SYNJ2: variants seen among roughly 807,000 people sequenced by gnomAD.
SYNJ2 encodes the protein polyphosphatidylinositol phosphatase SYNJ2.
Under a neutral mutation model 141.3 loss-of-function variants are expected in SYNJ2, and 116 were observed. That is an observed-to-expected ratio of 0.82 (90% CI 0.71 to 0.96). The LOEUF is 0.96. Among genes scored for constraint, SYNJ2 ranks in the 40% least tolerant of loss-of-function variants. The pLI, the probability that SYNJ2 is intolerant of heterozygous loss-of-function variation, is 0.00. For synonymous variants in SYNJ2, 745 were observed against 777.7 expected (o/e 0.96, Z 0.70); for missense variants, 1,873 against 1,934.8 (o/e 0.97, Z 0.60).
chr6:158,049,901 C>A (rs566437030), intron 5 of SYNJ2, among the ~76,000 whole-genome samples: 40 of 152,126 alleles, frequency 2.6e-4, no homozygotes, highest in African/African-American at 9.2e-4. Flanking sequence ...TGCGGCTCTG[C>A]AGGTATGCAT....
At chr6:158,029,787 G>A (rs1333401984) in intron 3 of SYNJ2, among the ~76,000 whole-genome samples, 1 of 152,082 alleles carries the variant, frequency 6.6e-6, no homozygotes, top group Admixed American at 6.6e-5. Context: ...CTCTCTGCTG[G>A]TAATAACTCA....
chr6:158,063,941 C>A, intron 9 of SYNJ2, 69 bp downstream of exon 9: 1 of 1,535,236 alleles, frequency 6.5e-7, no homozygotes, highest in Non-Finnish European at 9.0e-7. Context: ...ACAGGCTGGG[C>A]TGAGCACCTT....
chr6:158,003,376 G>A (rs1777931608), intron 1 of SYNJ2, among the ~76,000 whole-genome samples: 1 of 152,206 alleles, frequency 6.6e-6, no homozygotes, highest in African/African-American at 2.4e-5. Flanking sequence ...GCCTTGCTCT[G>A]TCTTGGGAAA....
Position 158,010,988 on chromosome 6 carries a change from T to C in SYNJ2, c.128-6216T>C, listed in dbSNP as rs572266152. Among the ~76,000 whole-genome samples the C allele has an allele frequency of 9.3e-5, 13 of 140,224 alleles. No homozygotes were observed. The South Asian group carries it at 1.6e-3, about 18-fold the overall frequency. The allele number at this position is 140,224 out of a possible 152,430, so 92.0% of individuals were successfully genotyped here. ...TGGGGAGGGGATGGCCACGTGATGA[T>C]GGGAGGACATGTGGGGAGAGAATGG... On this transcript the variant is annotated intron_variant, in intron 1 of 26. Coordinates refer to ENST00000355585, the MANE Select transcript of SYNJ2 (RefSeq NM_003898.4).
At chr6:158,006,490 C>T (rs1778075211) in intron 1 of SYNJ2, among the ~76,000 whole-genome samples, 1 of 152,192 alleles carries the variant, frequency 6.6e-6, no homozygotes, top group East Asian at 1.9e-4. Context: ...CTCCTGGCCG[C>T]CAGGATGCCA....
rs771437341 is a variant in SYNJ2, at chr6:158,093,015, G to A, written c.3655G>A (p.Glu1219Lys). Reference sequence around the variant, plus strand: ...GCCCACACCGGGGGCAGCCAAACCAGAGACCCCACAGGCGCCCCCACTCCT... The same window carrying A: ...GCCCACACCGGGGGCAGCCAAACCAAAGACCCCACAGGCGCCCCCACTCCT... ...PEPTPGAAKP[E>K]TPQAPPLLPR... Residue 1219 changes from glutamate (E) to lysine (K), a missense_variant, in exon 26 of 27, where the codon GAG becomes AAG. Coordinates refer to ENST00000355585, the MANE Select transcript of SYNJ2 (RefSeq NM_003898.4). 3.7e-6 allele frequency: 6 copies of A among 1,613,126 alleles called. No homozygotes were observed. The East Asian group carries it at 6.7e-5, about 18-fold the overall frequency.
chr6:158,081,369 A>G (rs747705308), intron 19 of SYNJ2, 42 bp downstream of exon 19: 43 of 1,613,398 alleles, frequency 2.7e-5, no homozygotes, highest in Non-Finnish European at 3.5e-5. Context: ...GGGGATGTCG[A>G]TGAGGATCCG....
intron 4 of SYNJ2, among the ~76,000 whole-genome samples, chr6:158,041,858 G>A (rs902081576): frequency 7.2e-5 from 11 of 152,176 alleles, no homozygotes; most frequent in Admixed American, 5.9e-4. Context: ...ACAGGCATAC[G>A]CCACCATACC....
At chr6:158,013,100 G>A (rs1415894561) in intron 1 of SYNJ2, among the ~76,000 whole-genome samples, 1 of 152,162 alleles carries the variant, frequency 6.6e-6, no homozygotes, top group East Asian at 1.9e-4. Flanking sequence ...CATAAATTTT[G>A]GCCAGGCACA....
chr6:158,071,549 G>A lies in SYNJ2; in HGVS notation c.1941-53G>A. 6.4e-7 allele frequency: 1 copy of A among 1,573,198 alleles called. No homozygotes were observed. The highest frequency in any genetic ancestry group is 1.2e-5 in the South Asian group (1 of 83,836). On this transcript the variant is annotated intron_variant, in intron 14 of 26. Coordinates refer to ENST00000355585, the MANE Select transcript of SYNJ2 (RefSeq NM_003898.4). This position sits in a 1 kb window ranked among gnomAD's most constrained non-coding sequence, Gnocchi z 4.3. ...TGGGCCCTTCTCTGTGGCAAAGCAG[G>A]GTCACACTTCTCCTTCAGGAGCCGA... is the stretch of plus-strand genomic sequence containing the variant.
rs769402620 is a variant in SYNJ2, at chr6:158,089,871, T to C, written c.3489T>C (p.Tyr1163=). 1.1e-5 allele frequency: 17 copies of C among 1,613,892 alleles called. No homozygotes were observed. In the African/African-American group the frequency reaches 1.2e-4, roughly 11 times the overall value. Residue 1163 remains tyrosine, a synonymous_variant, in exon 25 of 27, where the codon TAT becomes TAC. Transcript: ENST00000355585. ...CTCGGACTGGAATAAGTAAACCTTA[T>C]AATGTCAAGCAGATCAAAACCACCA... ...PKARTGISKP[Y]NVKQIKTTNA...
In SYNJ2 at chr6:158,093,210, C is replaced by T. The variant is rs1562413182; in HGVS notation, c.3744+106C>T. The T allele has an allele frequency of 1.7e-5, 22 of 1,276,640 alleles. No homozygotes were observed. In the South Asian group the frequency reaches 2.4e-4, roughly 14 times the overall value. 79.1% of individuals were successfully genotyped at this position (1,276,640 alleles called of 1,614,324 possible). A position where few individuals can be genotyped will look rare whatever the true frequency, so the allele number is the denominator to read the frequency against. ...CAGCACATTGGGAAGCCGAGGCAAG[C>T]GGATTACGAGGTCAGGAGTTCAAGA... On this transcript the variant is annotated intron_variant, in intron 26 of 26. Coordinates refer to ENST00000355585, the MANE Select transcript of SYNJ2 (RefSeq NM_003898.4).
Position 158,093,057 on chromosome 6 carries a change from C to T in SYNJ2, c.3697C>T (p.Pro1233Ser), listed in dbSNP as rs747718685. 2 of 1,608,506 alleles carry T rather than the reference C, an allele frequency of 1.2e-6. No individual in the cohort carries two copies. The highest frequency in any genetic ancestry group is 1.7e-6 in the Non-Finnish European group (2 of 1,178,662). Residue 1233 changes from proline (P) to serine (S), a missense_variant, in exon 26 of 27, where the codon CCC becomes TCC. Coordinates refer to ENST00000355585, the MANE Select transcript of SYNJ2 (RefSeq NM_003898.4). The stretch of plus-strand genomic sequence containing the variant: ...CCCACTCCTTCCCCGTCGGCCCCCA[C>T]CCAGAGTTCCTGCCATCAAGAAGCC... ...APPLLPRRPP[P>S]RVPAIKKPTL... is the part of the protein sequence containing the mutation.
chr6:158,088,615 G>A, intron 23 of SYNJ2, 45 bp from the exon 24 acceptor site: 2 of 1,464,102 alleles, frequency 1.4e-6, no homozygotes, highest in Non-Finnish European at 1.9e-6. Flanking sequence ...CTGGGAAGTT[G>A]TGCCTTCACT....
chr6:158,047,774 C>CAAAAAAAAAAAAAAAAAAAAAAAAAA (rs58147972), intron 5 of SYNJ2, among the ~76,000 whole-genome samples: 3 of 32,376 alleles, frequency 9.3e-5, no homozygotes, highest in Admixed American at 5.3e-4. Flanking sequence ...GCGACTCTGT[C>CAAAAAAAAAAAAAAAAAAAAAAAAAA]AAAAAAAAAA....
At position 158,054,953 on chromosome 6, in the gene SYNJ2, T is replaced by A; in HGVS notation, c.796-14T>A. ...AGAAGGAAGAATCACTGTTGTTACT[T>A]CTCTTTGCTTTAGGTTGGCTCCCAT... On this transcript the variant is annotated splice_polypyrimidine_tract_variant and intron_variant, in intron 5 of 26. Coordinates refer to ENST00000355585, the MANE Select transcript of SYNJ2 (RefSeq NM_003898.4). 1 of 1,613,862 alleles carries A rather than the reference T, an allele frequency of 6.2e-7. No homozygotes were observed. The highest frequency in any genetic ancestry group is 8.5e-7 in the Non-Finnish European group (1 of 1,179,904).
At position 158,054,950 on chromosome 6, in the gene SYNJ2, A is replaced by G; in HGVS notation, c.796-17A>G. ...CAGAGAAGGAAGAATCACTGTTGTT[A>G]CTTCTCTTTGCTTTAGGTTGGCTCC... On this transcript the variant is annotated splice_polypyrimidine_tract_variant and intron_variant, in intron 5 of 26. Transcript: ENST00000355585. The G allele has an allele frequency of 6.2e-7, 1 of 1,613,406 alleles. No homozygotes were observed. Among genetic ancestry groups the G allele is most frequent in the South Asian group, 1.1e-5 (1 of 91,020 alleles).
At chr6:158,039,845 G>A (rs1035529908) in intron 4 of SYNJ2, among the ~76,000 whole-genome samples, 27 of 152,194 alleles carry the variant, frequency 1.8e-4, no homozygotes, top group Admixed American at 1.3e-4. Context: ...TGAGCCCCTT[G>A]TGGTGCCGCC....
intron 1 of SYNJ2, among the ~76,000 whole-genome samples, chr6:158,006,025 G>T (rs112179516): frequency 6.6e-6 from 1 of 152,130 alleles, no homozygotes; most frequent in Non-Finnish European, 1.5e-5. Context: ...CTCTCTCTTG[G>T]CTGCATTGGT....
Sources: allele counts gnomAD v4.1 joint callset (sites outside exome capture counted in the v4.1 genomes callset), GRCh38; gene constraint gnomAD v4.1.1; non-coding constraint Gnocchi (gnomAD v3.1); transcripts MANE v1.5; gene names NCBI Gene and HGNC (gene_info 2026-07-23, HGNC 2026-07-21).